IMPG1: variants seen among roughly 807,000 people sequenced by gnomAD.
IMPG1 encodes interphotoreceptor matrix proteoglycan of 150 kDa.
Under a neutral mutation model 92.0 loss-of-function variants are expected in IMPG1, and 85 were observed. The observed-to-expected ratio is 0.92, with a 90% CI of 0.78 to 1.11. The LOEUF (loss-of-function observed/expected upper bound fraction) is 1.11. Among genes scored for constraint, IMPG1 ranks in the 50% least tolerant of loss-of-function variants. The probability of loss-of-function intolerance (pLI) is 0.00; values close to 1 mark genes in which losing one functional copy is unlikely to be tolerated. For synonymous variants in IMPG1, 367 were observed against 334.1 expected (o/e 1.10, Z -1.08); for missense variants, 1,022 against 956.0 (o/e 1.07, Z -0.91).
At chr6:75,934,985 T>C (rs1781720470) in intron 14 of IMPG1, 2 of 471,294 alleles carry the variant, frequency 4.2e-6, no homozygotes, top group Non-Finnish European at 8.8e-6. Context: ...AGGTTTCAGC[T>C]CAGCTTGCCT....
At chr6:76,040,108 A>T (rs2149489724) in intron 2 of IMPG1, among the ~76,000 whole-genome samples, 1 of 152,304 alleles carries the variant, frequency 6.6e-6, no homozygotes, top group Non-Finnish European at 1.5e-5. Context: ...ACCCATGCTG[A>T]TGAATAGTAA....
chr6:75,933,092 A>G (rs376377898), intron 14 of IMPG1, among the ~76,000 whole-genome samples: 1 of 152,204 alleles, frequency 6.6e-6, no homozygotes, highest in East Asian at 1.9e-4. Flanking sequence ...ATCAATAATA[A>G]TCTATATGCT....
chr6:75,984,353 T>C (rs561260314), intron 12 of IMPG1, among the ~76,000 whole-genome samples: 18 of 152,260 alleles, frequency 1.2e-4, no homozygotes, highest in Non-Finnish European at 1.9e-4. Flanking sequence ...ATAAACAAAA[T>C]TGTCCACACA....
At chr6:76,068,151 C>G (rs1784343323) in intron 1 of IMPG1, among the ~76,000 whole-genome samples, 1 of 152,124 alleles carries the variant, frequency 6.6e-6, no homozygotes, top group Non-Finnish European at 1.5e-5. Context: ...CCACTTTAAC[C>G]ACTCCTATTC....
chr6:76,014,099 A>C (rs1250406952), intron 7 of IMPG1, among the ~76,000 whole-genome samples: 1 of 152,208 alleles, frequency 6.6e-6, no homozygotes, highest in Non-Finnish European at 1.5e-5. Flanking sequence ...TTTATTGCTT[A>C]ATCTCTCTGA....
chr6:76,039,436 A>G (rs1582123411), intron 2 of IMPG1, among the ~76,000 whole-genome samples: 1 of 150,950 alleles, frequency 6.6e-6, no homozygotes. Context: ...GCTCACTGCA[A>G]CCTCCGCCTC....
intron 12 of IMPG1, 95 bp downstream of exon 12, chr6:76,002,823 G>T (rs1363442704): frequency 2.1e-6 from 2 of 949,398 alleles, no homozygotes; most frequent in Non-Finnish European, 3.4e-6. Flanking sequence ...CTGGGTTCGG[G>T]ATGGCTTTGT....
chr6:76,000,567 G>C (rs1782970135), intron 12 of IMPG1, among the ~76,000 whole-genome samples: 1 of 152,172 alleles, frequency 6.6e-6, no homozygotes, highest in Non-Finnish European at 1.5e-5. Context: ...GCAGGATATG[G>C]AGGAGTAGTA....
chr6:76,030,444 G>A (rs1167740490), intron 4 of IMPG1, among the ~76,000 whole-genome samples: 1 of 152,078 alleles, frequency 6.6e-6, no homozygotes, highest in Non-Finnish European at 1.5e-5. Flanking sequence ...AATGCATCCT[G>A]AACCCCTGGG....
At chr6:76,039,921 G>A (rs971876765) in intron 2 of IMPG1, among the ~76,000 whole-genome samples, 21 of 152,174 alleles carry the variant, frequency 1.4e-4, no homozygotes, top group Non-Finnish European at 2.8e-4. Context: ...ATAATTCAAT[G>A]TTCCATTTGA....
intron 7 of IMPG1, among the ~76,000 whole-genome samples, chr6:76,017,590 G>A (rs1288024840): frequency 6.6e-6 from 1 of 152,046 alleles, no homozygotes; most frequent in Non-Finnish European, 1.5e-5. Flanking sequence ...CATATCAAAA[G>A]CTGTACATAT....
At chr6:75,953,023 T>G (rs970446401) in intron 12 of IMPG1, among the ~76,000 whole-genome samples, 2 of 152,290 alleles carry the variant, frequency 1.3e-5, no homozygotes. Flanking sequence ...TTGAAAGGAT[T>G]TGATTTGACT....
chr6:75,987,789 C>T (rs1283972721), intron 12 of IMPG1, among the ~76,000 whole-genome samples: 6 of 151,912 alleles, frequency 3.9e-5, no homozygotes, highest in Admixed American at 2.0e-4. Context: ...GGACTGCAGG[C>T]GCCCACCACA....
intron 12 of IMPG1, among the ~76,000 whole-genome samples, chr6:75,987,460 CT>C (rs1288783746): frequency 7.4e-4 from 107 of 143,934 alleles, no homozygotes; most frequent in African/African-American, 2.6e-3. Flanking sequence ...CCCCTCCCCC[CT>C]GCCCCCACCC....
intron 1 of IMPG1, among the ~76,000 whole-genome samples, chr6:76,070,449 G>T (rs1784387372): frequency 6.6e-6 from 1 of 152,118 alleles, no homozygotes; most frequent in Non-Finnish European, 1.5e-5. Flanking sequence ...CTTTGATCCA[G>T]CAATCCCACT....
intron 12 of IMPG1, among the ~76,000 whole-genome samples, chr6:75,986,313 AAG>A (rs1159292331): frequency 6.6e-6 from 1 of 152,184 alleles, no homozygotes; most frequent in Admixed American, 6.5e-5. Flanking sequence ...AGGAAGAAGA[AAG>A]AGAGTCAGGC....
intron 12 of IMPG1, among the ~76,000 whole-genome samples, chr6:75,978,834 T>A (rs760261436): frequency 4.2e-4 from 64 of 152,234 alleles, no homozygotes; most frequent in Non-Finnish European, 7.9e-4. Flanking sequence ...ACATTATACC[T>A]AAATGTCACA....
chr6:76,041,886 T>C lies in IMPG1; in HGVS notation c.301+7A>G. ...ACAAGGCTAAACGGTTTCATCTCTT[T>C]CCTTACCTCTCAATCTATAATAAGC... is the stretch of plus-strand genomic sequence containing the variant. On this transcript the variant is annotated splice_region_variant and intron_variant, in intron 2 of 16. Transcript: ENST00000369950. 6.4e-7 allele frequency: 1 copy of C among 1,558,140 alleles called. No individual in the cohort carries two copies. The highest frequency in any genetic ancestry group is 8.9e-7 in the Non-Finnish European group (1 of 1,129,010).
intron 5 of IMPG1, among the ~76,000 whole-genome samples, chr6:76,022,678 A>G (rs1332667329): frequency 6.6e-6 from 1 of 152,170 alleles, no homozygotes; most frequent in Non-Finnish European, 1.5e-5. Flanking sequence ...GATGCTATGA[A>G]TTTCACTTCT....
Sources: allele counts gnomAD v4.1 joint callset (sites outside exome capture counted in the v4.1 genomes callset), GRCh38; gene constraint gnomAD v4.1.1; transcripts MANE v1.5; gene names NCBI Gene and HGNC (gene_info 2026-07-23, HGNC 2026-07-21).